Variants in ZNF804B observed in about 807,000 individuals in gnomAD.
ZNF804B encodes the protein zinc finger 804B.
In ZNF804B, 80 loss-of-function variants were observed where a neutral mutation model predicts 101.4. The observed-to-expected ratio is 0.79, with a 90% CI of 0.66 to 0.95. ZNF804B has a LOEUF of 0.95. Among genes scored for constraint, ZNF804B ranks in the 40% least tolerant of loss-of-function variants. The probability of loss-of-function intolerance (pLI) is 0.00; values close to 1 mark genes in which losing one functional copy is unlikely to be tolerated. For synonymous variants in ZNF804B, 622 were observed against 558.8 expected (o/e 1.11, Z -1.59); for missense variants, 1,673 against 1,561.9 (o/e 1.07, Z -1.20).
intron 1 of ZNF804B, among the ~76,000 whole-genome samples, chr7:89,101,890 T>G (rs922633078): frequency 3.6e-4 from 55 of 151,944 alleles, no homozygotes; most frequent in Admixed American, 2.6e-3. Flanking sequence ...GTCTCCAGAG[T>G]CTATTCCTTC....
intron 1 of ZNF804B, among the ~76,000 whole-genome samples, chr7:88,804,103 G>A (rs1426296942): frequency 1.3e-5 from 2 of 152,078 alleles, no homozygotes; most frequent in Non-Finnish European, 2.9e-5. Flanking sequence ...ACGTTTACTA[G>A]GGATTTAAAG....
chr7:88,819,691 C>A (rs1445806619), intron 1 of ZNF804B, among the ~76,000 whole-genome samples: 6 of 152,038 alleles, frequency 3.9e-5, no homozygotes, highest in Admixed American at 6.5e-5. Context: ...AAAAAATTTC[C>A]CCTTCAATAA....
chr7:88,922,336 A>G (rs1379858046), intron 1 of ZNF804B, among the ~76,000 whole-genome samples: 1 of 152,040 alleles, frequency 6.6e-6, no homozygotes, highest in African/African-American at 2.4e-5. Context: ...ATGAGATTTC[A>G]ACTAAAAGAC....
chr7:89,303,775 A>G lies in ZNF804B; in HGVS notation c.250-23569A>G, dbSNP rs563448114. On this transcript the variant is annotated intron_variant, in intron 2 of 3. Transcript: ENST00000333190. ...CTGATTTTACTTTTTTCCTGGCTTC[A>G]ATAAGAATTAGATGAAAAAGACTAT... is the stretch of plus-strand genomic sequence containing the variant. Among the ~76,000 whole-genome samples, 31 of 152,054 alleles carry G rather than the reference A, an allele frequency of 2.0e-4. No individual in the cohort carries two copies. The South Asian group carries it at 6.4e-3, about 32-fold the overall frequency.
At chr7:89,078,611 A>T (rs1385897310) in intron 1 of ZNF804B, among the ~76,000 whole-genome samples, 1 of 151,956 alleles carries the variant, frequency 6.6e-6, no homozygotes, top group African/African-American at 2.4e-5. Context: ...AATATAAAAA[A>T]AACACAATAT....
At position 89,012,716 on chromosome 7, in the gene ZNF804B, G is replaced by A. The variant is rs137953409; in HGVS notation, c.109-205439G>A. Among the ~76,000 whole-genome samples the A allele has an allele frequency of 6.8e-3, 1,036 of 152,174 alleles. 13 individuals are homozygous for A. Among genetic ancestry groups the A allele is most frequent in the African/African-American group, 0.023 (968 of 41,508 alleles). On this transcript the variant is annotated intron_variant, in intron 1 of 3. Coordinates refer to ENST00000333190, the MANE Select transcript of ZNF804B (RefSeq NM_181646.5). Reference sequence around the variant, plus strand: ...GTTCCAAACTTTCCCATATTTTCTTGTCTTATTCTGAGCCCTCTAAACTGT... The same window carrying A: ...GTTCCAAACTTTCCCATATTTTCTTATCTTATTCTGAGCCCTCTAAACTGT...
At chr7:89,089,334 G>A (rs12667914) in intron 1 of ZNF804B, among the ~76,000 whole-genome samples, 9 of 151,192 alleles carry the variant, frequency 6.0e-5, no homozygotes, top group African/African-American at 1.7e-4. Context: ...GCTGTGCTCA[G>A]ATACAGATGG....
intron 2 of ZNF804B, among the ~76,000 whole-genome samples, chr7:89,226,118 A>G (rs761120905): frequency 1.3e-5 from 2 of 152,086 alleles, no homozygotes; most frequent in Non-Finnish European, 2.9e-5. Flanking sequence ...GCGTGAAAAA[A>G]AGAATCATAC....
chr7:88,794,201 G>T (rs769288219), intron 1 of ZNF804B: 1 of 1,611,700 alleles, frequency 6.2e-7, no homozygotes, highest in Non-Finnish European at 8.5e-7. Flanking sequence ...GAAGGAGCAG[G>T]CCATACCACC....
intron 1 of ZNF804B, among the ~76,000 whole-genome samples, chr7:88,951,668 A>G (rs73202739): frequency 1.3e-5 from 2 of 151,958 alleles, no homozygotes; most frequent in East Asian, 3.9e-4. Context: ...ATAGATTTCT[A>G]TAAACTATAT....
chr7:89,077,159 A>G (rs1223232348), intron 1 of ZNF804B, among the ~76,000 whole-genome samples: 1 of 152,160 alleles, frequency 6.6e-6, no homozygotes, highest in South Asian at 2.1e-4. Flanking sequence ...TCTTCAATAA[A>G]CTTAACTGCT....
At chr7:89,193,631 A>G (rs1489813236) in intron 1 of ZNF804B, among the ~76,000 whole-genome samples, 2 of 152,072 alleles carry the variant, frequency 1.3e-5, no homozygotes, top group Non-Finnish European at 2.9e-5. Context: ...GTTCCTACAA[A>G]GGACATGAAC....
rs150605777 is a variant in ZNF804B at position 89,105,920 on chromosome 7, G to T, written c.109-112235G>T. ...AGAACTCAGGGAAACACTTATATTT[G>T]CTGTTTCATTACAAAGGATATTACA... On this transcript the variant is annotated intron_variant, in intron 1 of 3. Transcript: ENST00000333190. Among the ~76,000 whole-genome samples the T allele has an allele frequency of 5.0e-3, 765 of 152,164 alleles. 6 individuals carry two copies. Among genetic ancestry groups the T allele is most frequent in the Middle Eastern group, 0.017 (5 of 294 alleles).
intron 1 of ZNF804B, among the ~76,000 whole-genome samples, chr7:88,886,233 C>A (rs1193854649): frequency 2.0e-5 from 3 of 152,034 alleles, no homozygotes; most frequent in Admixed American, 2.0e-4. Flanking sequence ...AGGGATGATA[C>A]TCTTCCTATA....
At chr7:88,829,358 G>A (rs1269640775) in intron 1 of ZNF804B, among the ~76,000 whole-genome samples, 1 of 151,936 alleles carries the variant, frequency 6.6e-6, no homozygotes, top group Non-Finnish European at 1.5e-5. Context: ...ATGTGAGCTT[G>A]CTCTCTAATT....
intron 1 of ZNF804B, among the ~76,000 whole-genome samples, chr7:88,851,437 C>G (rs1054027695): frequency 2.0e-5 from 3 of 152,020 alleles, no homozygotes. Flanking sequence ...CAGCAGATTT[C>G]TTTGGAAACA....
At chr7:88,851,383 G>GA (rs902844732) in intron 1 of ZNF804B, among the ~76,000 whole-genome samples, 8 of 151,886 alleles carry the variant, frequency 5.3e-5, no homozygotes, top group Middle Eastern at 3.2e-3. Flanking sequence ...GCAGCCAAAG[G>GA]AAAAAAGACA....
intron 1 of ZNF804B, among the ~76,000 whole-genome samples, chr7:89,042,288 T>C (rs901825968): frequency 8.5e-5 from 13 of 152,174 alleles, no homozygotes; most frequent in African/African-American, 3.1e-4. Context: ...CAATCAGAAA[T>C]GTTATAATAT....
At chr7:89,002,806 A>C (rs1355748603) in intron 1 of ZNF804B, among the ~76,000 whole-genome samples, 1 of 151,976 alleles carries the variant, frequency 6.6e-6, no homozygotes, top group Non-Finnish European at 1.5e-5. Flanking sequence ...ATGTTAATGG[A>C]AAAAATGTTA....
Sources: gnomAD v4.1 joint callset for allele counts (sites outside exome capture counted in the v4.1 genomes callset) on GRCh38, gnomAD v4.1.1 for gene constraint, MANE v1.5 for transcripts, NCBI Gene and HGNC (gene_info 2026-07-23, HGNC 2026-07-21) for gene names.